VPS54: variants seen among roughly 807,000 people sequenced by gnomAD.
VPS54 encodes the protein vacuolar protein sorting-associated protein 54.
VPS54 carries 45 observed loss-of-function variants against 121.5 expected under a neutral mutation model. The observed-to-expected ratio is 0.37, with a 90% CI of 0.29 to 0.47. The LOEUF is 0.47. Among genes scored for constraint, VPS54 ranks in the 20% least tolerant of loss-of-function variants. The pLI, the probability that VPS54 is intolerant of heterozygous loss-of-function variation, is 0.99. For missense variants in VPS54, 1,090 were observed against 1,131.4 expected (o/e 0.96, Z 0.52); for synonymous variants, 371 against 385.8 (o/e 0.96, Z 0.45).
At chr2:64,014,533 T>G (rs1196475582) in intron 1 of VPS54, among the ~76,000 whole-genome samples, 1 of 152,206 alleles carries the variant, frequency 6.6e-6, no homozygotes, top group East Asian at 1.9e-4. Context: ...TATAGTGATA[T>G]ACTAGTTATT....
chr2:63,933,174 T>C (rs1264959125), intron 12 of VPS54, among the ~76,000 whole-genome samples: 2 of 151,888 alleles, frequency 1.3e-5, no homozygotes, highest in African/African-American at 2.4e-5. Flanking sequence ...TTTGAAATTA[T>C]TTCAAAATAA....
chr2:63,986,751 C>CTAT (rs893953147), intron 1 of VPS54, among the ~76,000 whole-genome samples: 1 of 152,172 alleles, frequency 6.6e-6, no homozygotes, highest in Non-Finnish European at 1.5e-5. Flanking sequence ...TTCGCAAGCA[C>CTAT]TTCTTAATGC....
intron 1 of VPS54, among the ~76,000 whole-genome samples, chr2:64,005,086 CTTCTT>C (rs1442193557): frequency 1.3e-5 from 1 of 76,604 alleles, no homozygotes; most frequent in East Asian, 4.1e-4. Context: ...TCTACTATTG[CTTCTT>C]TTTTTTTTTT....
chr2:64,018,359 A>G (rs1223118849), intron 1 of VPS54, among the ~76,000 whole-genome samples: 1 of 152,214 alleles, frequency 6.6e-6, no homozygotes, highest in Non-Finnish European at 1.5e-5. Context: ...AAAGTTCCCA[A>G]GTCAACGACG....
At chr2:63,963,399 A>G (rs1249844700) in intron 6 of VPS54, among the ~76,000 whole-genome samples, 2 of 151,940 alleles carry the variant, frequency 1.3e-5, no homozygotes, top group African/African-American at 2.4e-5. Flanking sequence ...TTTTTTGGCT[A>G]TATTATCTTT....
At chr2:63,895,058 G>A (rs1016697919) in intron 22 of VPS54, among the ~76,000 whole-genome samples, 2 of 152,044 alleles carry the variant, frequency 1.3e-5, no homozygotes, top group African/African-American at 4.8e-5. Flanking sequence ...AAGAGAAAAT[G>A]ACAAATGTTG....
Position 63,941,957 on chromosome 2 carries a change from C to G in VPS54, c.1398+508G>C, listed in dbSNP as rs369517563. Among the ~76,000 whole-genome samples the G allele has an allele frequency of 8.6e-5, 13 of 150,392 alleles. No individual in the cohort carries two copies. The East Asian group carries it at 2.3e-3, about 27-fold the overall frequency. The stretch of plus-strand genomic sequence containing the variant: ...GCTGAGGTAGAAGAATCACTTGAAC[C>G]CGGGAGGGAGAAGTTGCGGTGAGCC... On this transcript the variant is annotated intron_variant, in intron 11 of 22. Transcript: ENST00000272322.
intron 1 of VPS54, among the ~76,000 whole-genome samples, chr2:63,998,130 T>C (rs1677689635): frequency 6.6e-6 from 1 of 152,248 alleles, no homozygotes; most frequent in South Asian, 2.1e-4. Context: ...GCTCCAATAG[T>C]TAGGTGCATA....
intron 1 of VPS54, among the ~76,000 whole-genome samples, chr2:64,010,512 T>C (rs757441062): frequency 3.0e-4 from 45 of 152,214 alleles, no homozygotes; most frequent in Non-Finnish European, 1.2e-4. Context: ...TTTAATCTCA[T>C]CCTTCAGTTG....
At chr2:63,980,188 T>C (rs1310645637) in intron 3 of VPS54, among the ~76,000 whole-genome samples, 1 of 152,202 alleles carries the variant, frequency 6.6e-6, no homozygotes, top group African/African-American at 2.4e-5. Flanking sequence ...GCTGACCCTT[T>C]TATCATTATA....
rs938868370 is a variant in VPS54, at chr2:63,933,808, G to C, written c.1604C>G (p.Thr535Ser). ...ATTTGGAGATGCATTTCTTTGAGAG[G>C]TAGTGTCAACTGCTATAGGTGTTAG... Reference protein sequence around the residue: ...GELTPIAVDTTSQRNASPNSE... With the variant: ...GELTPIAVDTSSQRNASPNSE... The change falls in exon 12 of 23, where the codon ACC (threonine) becomes AGC (serine). Residue 535 changes from threonine (T) to serine (S), a missense_variant. Physicochemically the swap from Thr to Ser is moderately conservative, Grantham distance 58. This residue lies in a region of VPS54 where 801 missense variants were observed against 757.0 expected (regional missense o/e 1.06). Transcript: ENST00000272322. The C allele has an allele frequency of 6.2e-7, 1 of 1,613,896 alleles. No homozygotes were observed. Among genetic ancestry groups the C allele is most frequent in the African/African-American group, 1.3e-5 (1 of 75,024 alleles).
intron 18 of VPS54, 69 bp from the exon 19 acceptor site, chr2:63,912,730 ACAAAT>A: frequency 2.7e-6 from 4 of 1,506,188 alleles, no homozygotes; most frequent in Non-Finnish European, 2.7e-6. Flanking sequence ...GATTTTAATT[ACAAAT>A]CAAATCAAAT....
chr2:63,988,614 C>G (rs13023231), intron 1 of VPS54, among the ~76,000 whole-genome samples: 1 of 152,068 alleles, frequency 6.6e-6, no homozygotes, highest in Non-Finnish European at 1.5e-5. Flanking sequence ...GAAGATTTCA[C>G]GGACATTTAT....
At chr2:63,936,311 G>A (rs536333819) in intron 11 of VPS54, among the ~76,000 whole-genome samples, 1 of 152,072 alleles carries the variant, frequency 6.6e-6, no homozygotes. Flanking sequence ...CCATTCTTAA[G>A]AATGCCAGAA....
chr2:63,911,144 TG>T (rs1263998828), intron 20 of VPS54, among the ~76,000 whole-genome samples: 2 of 152,212 alleles, frequency 1.3e-5, no homozygotes, highest in East Asian at 3.8e-4. Context: ...TACCGACTTT[TG>T]GTACACAGAA....
intron 7 of VPS54, among the ~76,000 whole-genome samples, chr2:63,957,932 T>C (rs1284696216): frequency 6.6e-6 from 1 of 152,176 alleles, no homozygotes; most frequent in Non-Finnish European, 1.5e-5. Context: ...GTGGCACACT[T>C]TTTTAAAAGC....
In VPS54 at chr2:63,916,141, T is replaced by C. The variant is rs77291606; in HGVS notation, c.2228+759A>G. Among the ~76,000 whole-genome samples, 61 of 152,286 alleles carry C rather than the reference T, an allele frequency of 4.0e-4. 1 individual carries two copies. In the East Asian group the frequency reaches 0.011, roughly 28 times the overall value. On this transcript the variant is annotated intron_variant, in intron 16 of 22. Coordinates refer to ENST00000272322, the MANE Select transcript of VPS54 (RefSeq NM_016516.3). ...TTAATCTTCTAAGCTTCAATTCTCA[T>C]AGTGGAAAAAGGAAAGAATAATCCC...
intron 12 of VPS54, among the ~76,000 whole-genome samples, chr2:63,922,788 C>A (rs893043264): frequency 1.3e-5 from 2 of 152,162 alleles, no homozygotes; most frequent in African/African-American, 4.8e-5. Flanking sequence ...AACTTTACTA[C>A]TGAAGTAAAT....
At chr2:63,927,516 T>G (rs554474116) in intron 12 of VPS54, among the ~76,000 whole-genome samples, 1 of 151,874 alleles carries the variant, frequency 6.6e-6, no homozygotes, top group Non-Finnish European at 1.5e-5. Flanking sequence ...GTCACCAACA[T>G]CAAAGACCAA....
Sources: allele counts gnomAD v4.1 joint callset (sites outside exome capture counted in the v4.1 genomes callset), GRCh38; gene constraint gnomAD v4.1.1; regional missense constraint gnomAD v4.1.1; transcripts MANE v1.5; gene names NCBI Gene and HGNC (gene_info 2026-07-23, HGNC 2026-07-21).